EPHB2: variants seen among roughly 807,000 people sequenced by gnomAD.
EPHB2 encodes the protein ephrin type-B receptor 2.
EPHB2 carries 18 observed loss-of-function variants against 96.4 expected under a neutral mutation model. That is an observed-to-expected ratio of 0.19 (90% CI 0.13 to 0.28). The LOEUF is 0.28. EPHB2 is among the 10% of genes least tolerant of loss of function. The pLI is 1.00. For synonymous variants in EPHB2, 506 were observed against 534.1 expected (o/e 0.95, Z 0.72); for missense variants, 989 against 1,355.4 (o/e 0.73, Z 4.25).
At chr1:22,832,758 G>A (rs745671351) in intron 3 of EPHB2, among the ~76,000 whole-genome samples, 9 of 152,104 alleles carry the variant, frequency 5.9e-5, no homozygotes, top group Non-Finnish European at 1.0e-4. Context: ...CAACCGTTAG[G>A]TGCTCCCACC....
At chr1:22,737,081 T>C (rs1643849020) in intron 1 of EPHB2, among the ~76,000 whole-genome samples, 2 of 152,290 alleles carry the variant, frequency 1.3e-5, no homozygotes, top group Admixed American at 1.3e-4. Context: ...TCTGGCTGCC[T>C]TGTGGTTCTC....
intron 5 of EPHB2, among the ~76,000 whole-genome samples, chr1:22,881,467 G>A (rs1639042380): frequency 6.6e-6 from 1 of 152,126 alleles, no homozygotes; most frequent in Non-Finnish European, 1.5e-5. Context: ...TGAGGTGGGA[G>A]GGTCACTTGA....
rs201578620 is a variant in EPHB2, at chr1:22,912,456, G to A, written c.2709G>A (p.Pro903=). 31 of 1,613,974 alleles carry A rather than the reference G, an allele frequency of 1.9e-5. No homozygotes were observed. Among genetic ancestry groups the A allele is most frequent in the Admixed American group, 6.7e-5 (4 of 60,018 alleles). ...MAPLSSGINL[P]LLDRTIPDYT... ...CCCCCAACCCCAGCATCAACCTGCC[G>A]CTGCTGGACCGCACGATCCCCGACT... The change falls in exon 15 of 16, where the codon CCG becomes CCA. Residue 903 remains proline, a synonymous_variant. Coordinates refer to ENST00000374630, the MANE Select transcript of EPHB2 (RefSeq NM_017449.5).
intron 1 of EPHB2, among the ~76,000 whole-genome samples, chr1:22,772,020 C>T (rs1421125439): frequency 6.6e-6 from 1 of 152,108 alleles, no homozygotes; most frequent in African/African-American, 2.4e-5. Context: ...TCCCTGCCTC[C>T]CTTCTTTCCC....
intron 5 of EPHB2, among the ~76,000 whole-genome samples, 154 bp from the exon 6 acceptor site, chr1:22,882,204 CT>C (rs887467996): frequency 3.9e-5 from 6 of 152,166 alleles, no homozygotes; most frequent in Non-Finnish European, 8.8e-5. Context: ...CCTCTGCCCC[CT>C]GTCGGCTCCC....
At chr1:22,848,323 C>G (rs1164853361) in intron 3 of EPHB2, among the ~76,000 whole-genome samples, 1 of 152,138 alleles carries the variant, frequency 6.6e-6, no homozygotes, top group African/African-American at 2.4e-5. Flanking sequence ...TGGGACCTCA[C>G]CCCGATCCAC....
chr1:22,714,758 G>A (rs1184013847), intron 1 of EPHB2, among the ~76,000 whole-genome samples: 12 of 152,162 alleles, frequency 7.9e-5, no homozygotes, highest in Admixed American at 6.5e-4. Context: ...CCAGCTTGTC[G>A]GTTCCCGGCT....
At position 22,781,318 on chromosome 1, in the gene EPHB2, T is replaced by A. The variant is rs1363538067; in HGVS notation, c.62-103T>A. The A allele has an allele frequency of 1.6e-5, 14 of 891,742 alleles. No homozygotes were observed. In the African/African-American group the frequency reaches 2.2e-4, roughly 14 times the overall value. The allele number at this position is 891,742 out of a possible 1,614,324, so 55.2% of individuals were successfully genotyped here. On this transcript the variant is annotated intron_variant, in intron 1 of 15. Coordinates refer to ENST00000374630, the MANE Select transcript of EPHB2 (RefSeq NM_017449.5). ...CTGGGCGACAGAGCCAGACTCCGTC[T>A]AAAAAAAAAAAAAAAAAAGAAGAAG... is the stretch of plus-strand genomic sequence containing the variant.
intron 3 of EPHB2, among the ~76,000 whole-genome samples, chr1:22,795,362 G>A (rs559844428): frequency 3.3e-5 from 5 of 152,282 alleles, no homozygotes; most frequent in East Asian, 3.9e-4. Flanking sequence ...GAGGTGGCTC[G>A]CCCAGGCTCA....
chr1:22,845,844 T>C lies in EPHB2; in HGVS notation c.812-17193T>C, dbSNP rs116665499. ...TAAAGGTGATTGCTCTAAATGGCCA[T>C]GTCTAGGCAATTTGTCATAAAGTCT... On this transcript the variant is annotated intron_variant, in intron 3 of 15. Coordinates refer to ENST00000374630, the MANE Select transcript of EPHB2 (RefSeq NM_017449.5). 8.3e-3 allele frequency among the ~76,000 whole-genome samples: 1,257 copies of C among 152,294 alleles called. 18 individuals carry two copies. The highest frequency in any genetic ancestry group is 0.028 in the African/African-American group (1,171 of 41,542).
intron 3 of EPHB2, among the ~76,000 whole-genome samples, chr1:22,805,033 C>T (rs1444990034): frequency 6.6e-6 from 1 of 150,664 alleles, no homozygotes; most frequent in African/African-American, 2.4e-5. Flanking sequence ...TCAGGACATG[C>T]CCCCCAACCT....
At chr1:22,852,743 C>T (rs66762421) in intron 3 of EPHB2, among the ~76,000 whole-genome samples, 25,949 of 152,226 alleles carry the variant, frequency 0.17, 2,788 homozygotes, top group East Asian at 0.44. Flanking sequence ...CATGAAAGTC[C>T]CGGTTGCTCC....
intron 1 of EPHB2, chr1:22,775,385 TC>T (rs1282643121): frequency 1.5e-6 from 1 of 685,838 alleles, no homozygotes; most frequent in Non-Finnish European, 2.7e-6. Context: ...AATGAAAGTT[TC>T]TTCTTCATGA....
At chr1:22,748,608 C>T (rs955458054) in intron 1 of EPHB2, among the ~76,000 whole-genome samples, 3 of 151,616 alleles carry the variant, frequency 2.0e-5, no homozygotes, top group Non-Finnish European at 4.4e-5. Context: ...TCTCGAACTC[C>T]TGACCTCATG....
At position 22,906,076 on chromosome 1, in the gene EPHB2, T is replaced by A; in HGVS notation, c.1855T>A (p.Ser619Thr). ...VREFAKEIDI[S>T]CVKIEQVIGA... ...GGAGTTTGCCAAGGAAATTGACATC[T>A]CCTGTGTCAAAATTGAGCAGGTGAT... Residue 619 changes from serine (S) to threonine (T), a missense_variant, in exon 10 of 16, where the codon TCC becomes ACC. Coordinates refer to ENST00000374630, the MANE Select transcript of EPHB2 (RefSeq NM_017449.5). The surrounding 1 kb of genome is among the most constrained non-coding windows in gnomAD (Gnocchi z 4.8). 1 of 1,614,138 alleles carries A rather than the reference T, an allele frequency of 6.2e-7. No individual in the cohort carries two copies. Among genetic ancestry groups the A allele is most frequent in the South Asian group, 1.1e-5 (1 of 91,070 alleles).
At chr1:22,896,621 C>A in intron 9 of EPHB2, 143 bp downstream of exon 9, 1 of 1,107,540 alleles carries the variant, frequency 9.0e-7, no homozygotes, top group Non-Finnish European at 1.3e-6. Flanking sequence ...TAAGCTCACT[C>A]TCACCTCTAG....
intron 3 of EPHB2, among the ~76,000 whole-genome samples, chr1:22,841,018 C>G (rs1310587213): frequency 6.6e-6 from 1 of 152,160 alleles, no homozygotes; most frequent in Admixed American, 6.5e-5. Context: ...ACAGAGGAGA[C>G]TAAGTAGCAA....
chr1:22,838,788 G>A (rs567124942), intron 3 of EPHB2, among the ~76,000 whole-genome samples: 1 of 152,018 alleles, frequency 6.6e-6, no homozygotes, highest in African/African-American at 2.4e-5. Flanking sequence ...AAAATTAGCC[G>A]GGCGTGGTGG....
intron 5 of EPHB2, among the ~76,000 whole-genome samples, chr1:22,871,740 G>A (rs116504164): frequency 0.014 from 2,135 of 152,264 alleles, 21 homozygotes; most frequent in Non-Finnish European, 0.021. Flanking sequence ...AGCGTGGGCC[G>A]GGTGCAGTGG....
Sources: gnomAD v4.1 joint callset for allele counts (sites outside exome capture counted in the v4.1 genomes callset) on GRCh38, gnomAD v4.1.1 for gene constraint, Gnocchi (gnomAD v3.1) non-coding constraint, MANE v1.5 for transcripts, NCBI Gene and HGNC (gene_info 2026-07-23, HGNC 2026-07-21) for gene names.